Variants in RGSL1 observed in about 807,000 individuals in gnomAD.
The protein encoded by RGSL1 is regulator of G protein signaling like 1.
In RGSL1, 97 loss-of-function variants were observed where a neutral mutation model predicts 124.7. The observed-to-expected ratio is 0.78, with a 90% CI of 0.66 to 0.92. The LOEUF is 0.92. RGSL1 is among the 40% of genes least tolerant of loss of function. RGSL1 has a pLI of 0.00. For missense variants in RGSL1, 1,233 were observed against 1,288.4 expected (o/e 0.96, Z 0.66); for synonymous variants, 424 against 438.1 (o/e 0.97, Z 0.40).
At chr1:182,463,892 C>G (rs544771206) in intron 4 of RGSL1, among the ~76,000 whole-genome samples, 1 of 152,306 alleles carries the variant, frequency 6.6e-6, no homozygotes, top group East Asian at 1.9e-4. Flanking sequence ...GGACACTCTA[C>G]TCAACAACAA....
chr1:182,471,378 G>T (rs1558254730), intron 4 of RGSL1: 1 of 457,496 alleles, frequency 2.2e-6, no homozygotes, highest in Non-Finnish European at 4.4e-6. Flanking sequence ...TACCTCACAG[G>T]CAGTGCAGGT....
chr1:182,511,970 A>T (rs896429594), intron 9 of RGSL1, among the ~76,000 whole-genome samples: 1 of 151,856 alleles, frequency 6.6e-6, no homozygotes, highest in Non-Finnish European at 1.5e-5. Context: ...GGTTAAATTG[A>T]TTCCTATATA....
At chr1:182,458,654 G>A (rs555918581) in intron 3 of RGSL1, among the ~76,000 whole-genome samples, 5 of 152,030 alleles carry the variant, frequency 3.3e-5, no homozygotes, top group Middle Eastern at 3.4e-3. Context: ...TGTATTTTTG[G>A]TAGAGACGGA....
intron 9 of RGSL1, among the ~76,000 whole-genome samples, chr1:182,502,309 A>G (rs1339498600): frequency 1.3e-5 from 2 of 152,116 alleles, no homozygotes; most frequent in East Asian, 3.9e-4. Flanking sequence ...GGCTGGGTGC[A>G]GTGGCTCATA....
At chr1:182,513,237 G>T (rs1465558915) in intron 9 of RGSL1, among the ~76,000 whole-genome samples, 3 of 152,210 alleles carry the variant, frequency 2.0e-5, no homozygotes, top group African/African-American at 7.2e-5. Context: ...CCTGCTGACA[G>T]GGGGCATTGT....
chr1:182,543,712 T>C (rs1461775526), intron 15 of RGSL1, among the ~76,000 whole-genome samples: 1 of 152,106 alleles, frequency 6.6e-6, no homozygotes, highest in African/African-American at 2.4e-5. Flanking sequence ...TCAATCTTGT[T>C]ACTCATTATC....
chr1:182,465,644 T>G (rs1432383619), intron 4 of RGSL1, among the ~76,000 whole-genome samples: 2 of 151,994 alleles, frequency 1.3e-5, no homozygotes, highest in African/African-American at 4.8e-5. Flanking sequence ...GACCTATAAC[T>G]AGCAAAGAGA....
upstream of RGSL1, chr1:182,449,261 CT>C (rs758665104): frequency 6.6e-6 from 1 of 152,122 alleles, no homozygotes; most frequent in South Asian, 2.1e-4. Flanking sequence ...AGTATTTGGT[CT>C]TTATATATTC....
chr1:182,534,566 G>A (rs998754703), intron 14 of RGSL1, among the ~76,000 whole-genome samples: 7 of 152,258 alleles, frequency 4.6e-5, no homozygotes, highest in Admixed American at 1.3e-4. Flanking sequence ...GGTGGCTTAC[G>A]CCTGTAATCT....
chr1:182,520,579 C>T (rs1468458256), intron 9 of RGSL1, among the ~76,000 whole-genome samples: 1 of 151,894 alleles, frequency 6.6e-6, no homozygotes, highest in Non-Finnish European at 1.5e-5. Context: ...TTGTTTCTAA[C>T]CTCTATATAT....
upstream of RGSL1, chr1:182,450,089 C>A: frequency 6.6e-7 from 1 of 1,520,974 alleles, no homozygotes; most frequent in Non-Finnish European, 8.9e-7. Flanking sequence ...ATTACGTGTT[C>A]ACAATGGATA....
In RGSL1 at chr1:182,503,716, T is replaced by C. The variant is rs768102123; in HGVS notation, c.1825+10587T>C. Among the ~76,000 whole-genome samples, 11 of 152,240 alleles carry C rather than the reference T, an allele frequency of 7.2e-5. No individual in the cohort carries two copies. In the East Asian group the frequency reaches 2.1e-3, roughly 29 times the overall value. ...AGCACAACAGAGTGGCTATTATCAA[T>C]AATAATTTAATCGTACATTTTTAAA... On this transcript the variant is annotated intron_variant, in intron 9 of 21. Coordinates refer to ENST00000294854, the MANE Select transcript of RGSL1 (RefSeq NM_001137669.2).
chr1:182,515,532 G>GT (rs1351511331), intron 9 of RGSL1, among the ~76,000 whole-genome samples: 2 of 97,232 alleles, frequency 2.1e-5, no homozygotes, highest in Non-Finnish European at 3.8e-5. Flanking sequence ...AAAGAAAACA[G>GT]TTTAAAGTAA....
rs114790684 is a variant in RGSL1, at chr1:182,474,625, G to A, written c.1431+83G>A. On this transcript the variant is annotated intron_variant, in intron 6 of 21. Transcript: ENST00000294854. The stretch of plus-strand genomic sequence containing the variant: ...AAAATCCCATCTGGTCACCTATACT[G>A]GCTAAGTGACTATATAATTACCCAC... 6.3e-4 allele frequency: 906 copies of A among 1,438,176 alleles called. 9 individuals are homozygous for A. In the African/African-American group the frequency reaches 0.011, roughly 18 times the overall value. The allele number at this position is 1,438,176 out of a possible 1,614,324, so 89.1% of individuals were successfully genotyped here. A position where few individuals can be genotyped will look rare whatever the true frequency, so the allele number is the denominator to read the frequency against.
At chr1:182,481,387 G>A (rs927784316) in intron 6 of RGSL1, among the ~76,000 whole-genome samples, 4 of 152,100 alleles carry the variant, frequency 2.6e-5, no homozygotes, top group Non-Finnish European at 4.4e-5. Flanking sequence ...CCATGACTAA[G>A]TCGAGAAGAA....
At chr1:182,516,049 G>A (rs1034747194) in intron 9 of RGSL1, among the ~76,000 whole-genome samples, 1 of 152,196 alleles carries the variant, frequency 6.6e-6, no homozygotes, top group Non-Finnish European at 1.5e-5. Context: ...CAGGTATCTC[G>A]GCTGATGGAG....
chr1:182,470,586 C>T (rs1320392713), intron 4 of RGSL1, among the ~76,000 whole-genome samples: 2 of 152,118 alleles, frequency 1.3e-5, no homozygotes, highest in African/African-American at 2.4e-5. Context: ...TTCTTTTATC[C>T]CGTTCCACAT....
At chr1:182,532,623 A>T in intron 13 of RGSL1, 39 bp from the exon 14 acceptor site, 1 of 1,544,044 alleles carries the variant, frequency 6.5e-7, no homozygotes, top group Non-Finnish European at 8.8e-7. Context: ...AACAGCAACC[A>T]TACTAATGAA....
chr1:182,476,441 C>T (rs924895324), intron 6 of RGSL1, among the ~76,000 whole-genome samples: 16 of 152,168 alleles, frequency 1.1e-4, no homozygotes, highest in African/African-American at 3.6e-4. Flanking sequence ...ACCCTGTTGG[C>T]ATTACCTTAA....
Sources: gnomAD v4.1 joint callset for allele counts (sites outside exome capture counted in the v4.1 genomes callset) on GRCh38, gnomAD v4.1.1 for gene constraint, MANE v1.5 for transcripts, NCBI Gene and HGNC (gene_info 2026-07-23, HGNC 2026-07-21) for gene names.